PLCG1: variants seen among roughly 807,000 people sequenced by gnomAD.
PLCG1 encodes 1-phosphatidylinositol 4,5-bisphosphate phosphodiesterase gamma-1.
PLCG1 carries 71 observed loss-of-function variants against 177.8 expected under a neutral mutation model. The ratio of observed to expected loss-of-function variants is 0.40; its 90% CI spans 0.33 to 0.49. PLCG1 has a LOEUF of 0.49. Among genes scored for constraint, PLCG1 ranks in the 20% least tolerant of loss-of-function variants. The probability of loss-of-function intolerance (pLI) is 0.72; values close to 1 mark genes in which losing one functional copy is unlikely to be tolerated. For missense variants in PLCG1, 1,281 were observed against 1,709.0 expected, an observed-to-expected ratio of 0.75 and a Z score of 4.42; for synonymous variants, 658 against 647.9, an observed-to-expected ratio of 1.02 and a Z score of -0.24.
chr20:41,165,776 C>A lies in PLCG1; in HGVS notation c.1749C>A (p.Phe583Leu). The change falls in exon 16 of 32, where the codon TTC (phenylalanine) becomes TTA (leucine). Residue 583 changes from phenylalanine (F) to leucine (L), a missense_variant. Coordinates refer to ENST00000685551, the MANE Select transcript of PLCG1 (RefSeq NM_002660.3). This position sits in a 1 kb window ranked among gnomAD's most constrained non-coding sequence, Gnocchi z 6.6. ...AGACCGGAGCCCCTGACGGCTCCTT[C>A]CTCGTGCGAGAGAGTGAGACCTTCG... ...CIETGAPDGS[F>L]LVRESETFVG... 1 of 1,606,742 alleles carries A rather than the reference C, an allele frequency of 6.2e-7. No homozygotes were observed. Among genetic ancestry groups the A allele is most frequent in the Non-Finnish European group, 8.5e-7 (1 of 1,174,562 alleles).
At chr20:41,169,203 C>T in intron 22 of PLCG1, 28 bp downstream of exon 22, 2 of 1,468,170 alleles carry the variant, frequency 1.4e-6, no homozygotes, top group Non-Finnish European at 1.9e-6. Context: ...TGAGTAACAG[C>T]ATTCCCTATT....
rs137975099 is a variant in PLCG1, at chr20:41,168,799, C to T, written c.2412C>T (p.Ala804=). The change falls in exon 21 of 32, where the codon GCC becomes GCT. Residue 804 remains alanine (A), a synonymous_variant. Coordinates refer to ENST00000685551, the MANE Select transcript of PLCG1 (RefSeq NM_002660.3). ...CAVKALFDYK[A]QREDELTFIK... is the part of the protein sequence containing the mutation. ...TCAAAGCCCTCTTTGACTACAAGGC[C>T]CAGAGGGAGGACGAGCTGACCTTCA... The T allele has an allele frequency of 7.6e-4, 1,230 of 1,612,362 alleles. No individual in the cohort carries two copies. Among genetic ancestry groups the T allele is most frequent in the Non-Finnish European group, 9.9e-4 (1,172 of 1,178,964 alleles).
In PLCG1 at chr20:41,162,967, C is replaced by T; in HGVS notation, c.691C>T (p.Pro231Ser). 6.2e-7 allele frequency: 1 copy of T among 1,614,114 alleles called. No individual in the cohort carries two copies. Among genetic ancestry groups the T allele is most frequent in the Admixed American group, 1.7e-5 (1 of 60,022 alleles). ...MYSAQKTMDLPFLEASTLRAG... is the reference protein window; with the variant it reads ...MYSAQKTMDLSFLEASTLRAG... ...GTTCTGTTTCCTGCAGATGGACCTC[C>T]CCTTCTTGGAAGCCAGTACTCTGAG... Residue 231 changes from proline to serine, a missense_variant, in exon 7 of 32, where the codon CCC (proline) becomes TCC (serine). Coordinates refer to ENST00000685551, the MANE Select transcript of PLCG1 (RefSeq NM_002660.3).
At chr20:41,142,703 A>T (rs1478496745) in intron 1 of PLCG1, among the ~76,000 whole-genome samples, 1 of 151,984 alleles carries the variant, frequency 6.6e-6, no homozygotes, top group Admixed American at 6.6e-5. Flanking sequence ...GCATATGACT[A>T]CCTCTCTGGG....
rs2034941617 is a variant in PLCG1, at chr20:41,144,618, A to G, written c.217+6760A>G. Among the ~76,000 whole-genome samples the G allele has an allele frequency of 6.6e-6, 1 of 152,228 alleles. No homozygotes were observed. On this transcript the variant is annotated intron_variant, in intron 1 of 31. Transcript: ENST00000685551. This position sits in a 1 kb window ranked among gnomAD's most constrained non-coding sequence, Gnocchi z 4.1. ...ACTTCCGCCTAAGCTTCTACAGAAC[A>G]TGGGAACCTGGGGCTCCATGCCCCA...
rs2035639492 is a variant in PLCG1, at chr20:41,165,162, C to T, written c.1386+61C>T. 1.9e-6 allele frequency: 3 copies of T among 1,603,242 alleles called. No individual in the cohort carries two copies. The highest frequency in any genetic ancestry group is 1.7e-5 in the Admixed American group (1 of 59,520). Reference sequence around the variant, plus strand: ...TCTCAGTGCCTTGCCCAGGCCATGGCTTCAGCTGTTGGGCCTAAACCTGGG... The same window carrying T: ...TCTCAGTGCCTTGCCCAGGCCATGGTTTCAGCTGTTGGGCCTAAACCTGGG... On this transcript the variant is annotated intron_variant, in intron 13 of 31. Coordinates refer to ENST00000685551, the MANE Select transcript of PLCG1 (RefSeq NM_002660.3). The surrounding 1 kb of genome is among the most constrained non-coding windows in gnomAD (Gnocchi z 6.6).
In PLCG1 at chr20:41,172,564, C is replaced by A; in HGVS notation, c.3049C>A (p.Arg1017=). Residue 1017 remains arginine (R), a synonymous_variant, in exon 26 of 32, where the codon CGA becomes AGA. Transcript: ENST00000685551. The surrounding 1 kb of genome is among the most constrained non-coding windows in gnomAD (Gnocchi z 7.0). The part of the protein sequence containing the change: ...QLSRIYPKGQ[R]LDSSNYDPLP... Reference sequence around the variant, plus strand: ...CTCCCGCATCTACCCCAAGGGCCAGCGACTGGATTCCTCCAACTACGATCC... The same window carrying A: ...CTCCCGCATCTACCCCAAGGGCCAGAGACTGGATTCCTCCAACTACGATCC... The A allele has an allele frequency of 6.2e-7, 1 of 1,614,202 alleles. No individual in the cohort carries two copies.
In PLCG1 at chr20:41,172,436, G is replaced by A. The variant is rs779952394; in HGVS notation, c.2921G>A (p.Arg974His). 2 of 1,614,138 alleles carry A rather than the reference G, an allele frequency of 1.2e-6. No individual in the cohort carries two copies. The highest frequency in any genetic ancestry group is 1.7e-5 in the Admixed American group (1 of 60,024). Residue 974 changes from arginine to histidine, a missense_variant, in exon 26 of 32, where the codon CGT (arginine) becomes CAT (histidine). Around this residue, in one of 4 missense-constraint regions of PLCG1, gnomAD observed 723 missense variants for 1,030.0 expected, o/e 0.70. Transcript: ENST00000685551. This position sits in a 1 kb window ranked among gnomAD's most constrained non-coding sequence, Gnocchi z 7.0. ...PFDEEKIGTE[R>H]ACYRDMSSFP... The stretch of plus-strand genomic sequence containing the variant: ...TTTGGCCCAGAGATTGGCACAGAAC[G>A]TGCTTGCTACCGGGACATGTCATCC...
chr20:41,164,047 C>G lies in PLCG1; in HGVS notation c.1097-34C>G. ...GGCTGGGGGAGGGAAGATGGGAGGCCTGCCCGCTTGACCATGGTGATGTTG... is the reference window on the plus strand; with the variant it reads ...GGCTGGGGGAGGGAAGATGGGAGGCGTGCCCGCTTGACCATGGTGATGTTG... On this transcript the variant is annotated intron_variant, in intron 11 of 31. Transcript: ENST00000685551. The surrounding 1 kb of genome is among the most constrained non-coding windows in gnomAD (Gnocchi z 6.4). 6.2e-7 allele frequency: 1 copy of G among 1,614,170 alleles called. No individual in the cohort carries two copies. The highest frequency in any genetic ancestry group is 1.1e-5 in the South Asian group (1 of 91,080).
chr20:41,145,966 C>T (rs2034983986), intron 1 of PLCG1, among the ~76,000 whole-genome samples: 1 of 152,148 alleles, frequency 6.6e-6, no homozygotes, highest in Admixed American at 6.5e-5. Flanking sequence ...TAGCTTTCTC[C>T]CCACTCTTTA....
chr20:41,149,475 G>C (rs2035098164), intron 1 of PLCG1, among the ~76,000 whole-genome samples: 2 of 152,210 alleles, frequency 1.3e-5, no homozygotes, highest in African/African-American at 4.8e-5. Flanking sequence ...TGACCCAGGG[G>C]GTATGGCAAG....
chr20:41,157,304 G>A lies in PLCG1; in HGVS notation c.218-2302G>A, dbSNP rs142045340. On this transcript the variant is annotated intron_variant, in intron 1 of 31. Coordinates refer to ENST00000685551, the MANE Select transcript of PLCG1 (RefSeq NM_002660.3). The surrounding 1 kb of genome is among the most constrained non-coding windows in gnomAD (Gnocchi z 5.4). Reference sequence around the variant, plus strand: ...GGATGACAGCAGCTCCACACCGGAAGAGCAGACTGGTTTCTGTTTCAAAAG... The same window carrying A: ...GGATGACAGCAGCTCCACACCGGAAAAGCAGACTGGTTTCTGTTTCAAAAG... Among the ~76,000 whole-genome samples, 348 of 151,822 alleles carry A rather than the reference G, an allele frequency of 2.3e-3. 5 individuals are homozygous for A. Among genetic ancestry groups the A allele is most frequent in the Non-Finnish European group, 1.1e-3 (77 of 67,988 alleles).
rs767812294 is a variant in PLCG1, at chr20:41,163,712, C to T, written c.892-3C>T. 1 of 1,584,596 alleles carries T rather than the reference C, an allele frequency of 6.3e-7. No homozygotes were observed. Among genetic ancestry groups the T allele is most frequent in the East Asian group, 2.2e-5 (1 of 44,722 alleles). On this transcript the variant is annotated splice_polypyrimidine_tract_variant and splice_region_variant and intron_variant, in intron 9 of 31. Coordinates refer to ENST00000685551, the MANE Select transcript of PLCG1 (RefSeq NM_002660.3). The surrounding 1 kb of genome is among the most constrained non-coding windows in gnomAD (Gnocchi z 5.2). The stretch of plus-strand genomic sequence containing the variant: ...CTCTTCCCTTCCACATGTTTCTGGA[C>T]AGTTTGTCACCTTCCTGTTCTCCAA...
intron 1 of PLCG1, among the ~76,000 whole-genome samples, chr20:41,139,909 C>T (rs1720093937): frequency 6.6e-6 from 1 of 152,172 alleles, no homozygotes; most frequent in Non-Finnish European, 1.5e-5. Flanking sequence ...ACCCACCCAC[C>T]ATGTAGAACA....
Position 41,172,902 on chromosome 20 carries a change from A to G in PLCG1, c.3279+25A>G. On this transcript the variant is annotated intron_variant, in intron 27 of 31. Coordinates refer to ENST00000685551, the MANE Select transcript of PLCG1 (RefSeq NM_002660.3). The surrounding 1 kb of genome is among the most constrained non-coding windows in gnomAD (Gnocchi z 7.0). ...GGTGGGTGCTGCTCATCTGGGCTTC[A>G]GGGTAGGAAAGGGGCTGCTTGCCGT... The G allele has an allele frequency of 1.2e-6, 2 of 1,606,588 alleles. No homozygotes were observed. The highest frequency in any genetic ancestry group is 2.7e-5 in the African/African-American group (2 of 74,878).
Position 41,173,017 on chromosome 20 carries a change from A to AGGG in PLCG1, c.3279+142_3279+144dup, listed in dbSNP as rs1316182103. The AGGG allele has an allele frequency of 1.3e-6, 1 of 791,278 alleles. No homozygotes were observed. The highest frequency in any genetic ancestry group is 2.0e-6 in the Non-Finnish European group (1 of 500,100). The allele number at this position is 791,278 out of a possible 1,614,324, so 49.0% of individuals were successfully genotyped here. ...GGTGGGGCCTGAGCTGAGTCTTTGA[A>AGGG]GGGGTGAAGATAGCATGCAGTCACT... is the stretch of plus-strand genomic sequence containing the variant. On this transcript the variant is annotated intron_variant, in intron 27 of 31. Transcript: ENST00000685551. This position sits in a 1 kb window ranked among gnomAD's most constrained non-coding sequence, Gnocchi z 6.2.
At chr20:41,138,099 G>T in intron 1 of PLCG1, 1 of 354,988 alleles carries the variant, frequency 2.8e-6, no homozygotes. Context: ...TGTTCCAGGC[G>T]CTTTGCCCTG....
Position 41,163,608 on chromosome 20 carries a change from C to A in PLCG1, c.892-107C>A. On this transcript the variant is annotated intron_variant, in intron 9 of 31. Coordinates refer to ENST00000685551, the MANE Select transcript of PLCG1 (RefSeq NM_002660.3). This position sits in a 1 kb window ranked among gnomAD's most constrained non-coding sequence, Gnocchi z 5.2. The stretch of plus-strand genomic sequence containing the variant: ...GTTTCTACCTACTGTGCACCTTGCC[C>A]ACCCCCAGTTGGGACAGAGCACTCT... 9.4e-7 allele frequency: 1 copy of A among 1,066,638 alleles called. No homozygotes were observed. The highest frequency in any genetic ancestry group is 1.5e-6 in the Non-Finnish European group (1 of 689,574). 66.1% of individuals were successfully genotyped at this position (1,066,638 alleles called of 1,614,324 possible).
In PLCG1 at chr20:41,174,097, C is replaced by T; in HGVS notation, c.3646-27C>T. On this transcript the variant is annotated intron_variant, in intron 30 of 31. Transcript: ENST00000685551. The surrounding 1 kb of genome is among the most constrained non-coding windows in gnomAD (Gnocchi z 5.8). ...CTAGAAGTGCAGAGGAGTCATTGACCCTCTTGTGCACCTGGCTTCGTTGAA... is the reference window on the plus strand; with the variant it reads ...CTAGAAGTGCAGAGGAGTCATTGACTCTCTTGTGCACCTGGCTTCGTTGAA... The T allele has an allele frequency of 1.2e-6, 2 of 1,611,856 alleles. No homozygotes were observed. The highest frequency in any genetic ancestry group is 1.7e-6 in the Non-Finnish European group (2 of 1,178,218).
Sources: gnomAD v4.1 joint callset for allele counts (sites outside exome capture counted in the v4.1 genomes callset) on GRCh38, gnomAD v4.1.1 for gene constraint, gnomAD v4.1.1 regional missense constraint, Gnocchi (gnomAD v3.1) non-coding constraint, MANE v1.5 for transcripts, NCBI Gene and HGNC (gene_info 2026-07-23, HGNC 2026-07-21) for gene names.